Variants in DIAPH1 observed in about 807,000 individuals in gnomAD.
DIAPH1 encodes diaphanous related formin 1.
A neutral mutation model predicts 140.7 loss-of-function variants in DIAPH1; 46 were observed. That is an observed-to-expected ratio of 0.33 (90% CI 0.26 to 0.42). DIAPH1 has a LOEUF of 0.42. Ranked by LOEUF, DIAPH1 falls within the 10% of genes least tolerant of loss-of-function variation. The pLI, the probability that DIAPH1 is intolerant of heterozygous loss-of-function variation, is 1.00. For synonymous variants in DIAPH1, 565 were observed against 551.6 expected (o/e 1.02, Z -0.34); for missense variants, 1,310 against 1,558.7 (o/e 0.84, Z 2.69).
At chr5:141,541,160 G>A (rs2099889908) in intron 18 of DIAPH1, among the ~76,000 whole-genome samples, 1 of 152,038 alleles carries the variant, frequency 6.6e-6, no homozygotes, top group African/African-American at 2.4e-5. Context: ...CATGATTTCA[G>A]AGATGTTTAA....
intron 1 of DIAPH1, among the ~76,000 whole-genome samples, chr5:141,599,518 T>C (rs181624751): frequency 4.9e-4 from 74 of 152,326 alleles, no homozygotes; most frequent in Non-Finnish European, 6.5e-4. Context: ...TTTTGTGTTC[T>C]TGGCTCACTG....
chr5:141,618,183 G>A (rs1034727443), intron 1 of DIAPH1, among the ~76,000 whole-genome samples: 3 of 152,222 alleles, frequency 2.0e-5, no homozygotes, highest in Non-Finnish European at 4.4e-5. Flanking sequence ...ATAGGACCTG[G>A]GCAGGAGCCC....
chr5:141,614,830 G>A (rs1474530483), intron 1 of DIAPH1, among the ~76,000 whole-genome samples: 2 of 149,440 alleles, frequency 1.3e-5, no homozygotes, highest in African/African-American at 2.5e-5. Flanking sequence ...AAAAAAAAAG[G>A]TGTACAAAGC....
chr5:141,611,029 G>A (rs1406871802), intron 1 of DIAPH1, among the ~76,000 whole-genome samples: 1 of 152,026 alleles, frequency 6.6e-6, no homozygotes, highest in African/African-American at 2.4e-5. Context: ...GGTCGATGCT[G>A]CAACTGAGTT....
chr5:141,545,328 TA>T (rs2099890623), intron 18 of DIAPH1, among the ~76,000 whole-genome samples: 1 of 152,182 alleles, frequency 6.6e-6, no homozygotes, highest in Admixed American at 6.5e-5. Context: ...TCAAGGCCAA[TA>T]CAGTAGGATA....
intron 1 of DIAPH1, among the ~76,000 whole-genome samples, chr5:141,599,123 G>T (rs1002439171): frequency 1.5e-4 from 23 of 152,154 alleles, no homozygotes; most frequent in African/African-American, 5.6e-4. Context: ...CCAAGCAAAA[G>T]GTAATTGGGT....
Position 141,524,131 on chromosome 5 carries a change from G to A in DIAPH1, c.3661+12C>T, listed in dbSNP as rs754008936. On this transcript the variant is annotated intron_variant, in intron 27 of 27. Coordinates refer to ENST00000389054, the MANE Select transcript of DIAPH1 (RefSeq NM_005219.5). The stretch of plus-strand genomic sequence containing the variant: ...CTTCGACACCCAGGATGAGCTCCAT[G>A]TGCTTACTTACCTTGACGGGGCCCT... 108 of 1,613,442 alleles carry A rather than the reference G, an allele frequency of 6.7e-5. No homozygotes were observed. Among genetic ancestry groups the A allele is most frequent in the Non-Finnish European group, 8.7e-5 (103 of 1,179,556 alleles).
intron 1 of DIAPH1, among the ~76,000 whole-genome samples, chr5:141,597,233 C>T (rs1000853928): frequency 6.6e-6 from 1 of 152,044 alleles, no homozygotes; most frequent in African/African-American, 2.4e-5. Flanking sequence ...TTTCAAAACA[C>T]CGGAATACAA....
At chr5:141,590,562 A>G (rs2099898242) in intron 1 of DIAPH1, among the ~76,000 whole-genome samples, 1 of 152,186 alleles carries the variant, frequency 6.6e-6, no homozygotes, top group Non-Finnish European at 1.5e-5. Flanking sequence ...TACCGTAGCC[A>G]AGGTTAAACT....
rs763491790 is a variant in DIAPH1, at chr5:141,516,842, G to A, written c.*9C>T. ...CCGCTGAGGAGCTGCCGCGGTCACA[G>A]GACCCACATTAGCTTGCACGGCCAA... On this transcript the variant is annotated 3_prime_UTR_variant, in exon 28 of 28. Transcript: ENST00000389054. 2.5e-6 allele frequency: 4 copies of A among 1,613,986 alleles called. No individual in the cohort carries two copies. The South Asian group carries it at 4.4e-5, about 18-fold the overall frequency.
intron 18 of DIAPH1, among the ~76,000 whole-genome samples, chr5:141,553,229 T>C (rs2099892017): frequency 6.6e-6 from 1 of 151,724 alleles, no homozygotes. Context: ...GAGGTGGAGG[T>C]TGCAGTGAGC....
chr5:141,551,512 C>T (rs972711390), intron 18 of DIAPH1, among the ~76,000 whole-genome samples: 1 of 152,094 alleles, frequency 6.6e-6, no homozygotes, highest in Non-Finnish European at 1.5e-5. Context: ...CTCACATACA[C>T]ATACATAAAT....
chr5:141,526,661 AAAG>A (rs1334666677), intron 24 of DIAPH1, among the ~76,000 whole-genome samples, 200 bp from the exon 25 acceptor site: 2 of 152,192 alleles, frequency 1.3e-5, no homozygotes, highest in African/African-American at 2.4e-5. Context: ...ACCTATAAAA[AAAG>A]AAGGTGGCAG....
chr5:141,525,715 G>A (rs2099887236), intron 26 of DIAPH1, among the ~76,000 whole-genome samples: 1 of 152,162 alleles, frequency 6.6e-6, no homozygotes, highest in South Asian at 2.1e-4. Context: ...ATTTAGTGGA[G>A]GGAATGAGAA....
intron 18 of DIAPH1, chr5:141,560,994 G>A: frequency 4.4e-6 from 2 of 452,084 alleles, no homozygotes; most frequent in South Asian, 3.1e-5. Flanking sequence ...AAAGTCACCT[G>A]ATCTTCTCCT....
At chr5:141,601,580 G>A (rs544782816) in intron 1 of DIAPH1, among the ~76,000 whole-genome samples, 37 of 152,176 alleles carry the variant, frequency 2.4e-4, no homozygotes, top group Non-Finnish European at 4.4e-4. Flanking sequence ...GTGAGCCACC[G>A]CACCGGGACT....
At chr5:141,524,454 A>C in intron 26 of DIAPH1, 1 of 577,752 alleles carries the variant, frequency 1.7e-6, no homozygotes, top group Non-Finnish European at 3.1e-6. Context: ...CTATTATCCA[A>C]TGCAGACCTT....
intron 8 of DIAPH1, among the ~76,000 whole-genome samples, chr5:141,579,622 A>T (rs2099896450): frequency 6.6e-6 from 1 of 152,178 alleles, no homozygotes; most frequent in Admixed American, 6.5e-5. Flanking sequence ...AAAAATGATC[A>T]CCTAGAACAG....
intron 15 of DIAPH1, among the ~76,000 whole-genome samples, chr5:141,574,534 CAG>C (rs1326053198): frequency 1.3e-5 from 2 of 152,142 alleles, no homozygotes; most frequent in African/African-American, 4.8e-5. Flanking sequence ...ATGTGCTACA[CAG>C]ATGATTATAT....
Sources: allele counts gnomAD v4.1 joint callset (sites outside exome capture counted in the v4.1 genomes callset), GRCh38; gene constraint gnomAD v4.1.1; transcripts MANE v1.5; gene names NCBI Gene and HGNC (gene_info 2026-07-23, HGNC 2026-07-21).